The following PFDN2 variants were observed in gnomAD, a reference collection of about 807,000 sequenced individuals.
PFDN2 encodes prefoldin 2.
A neutral mutation model predicts 18.3 loss-of-function variants in PFDN2; 7 were observed. The observed-to-expected ratio is 0.38, with a 90% CI of 0.22 to 0.72. PFDN2 has a LOEUF of 0.72. PFDN2 is among the 30% of genes least tolerant of loss of function. The pLI, the probability that PFDN2 is intolerant of heterozygous loss-of-function variation, is 0.47. For synonymous variants in PFDN2, 76 were observed against 75.0 expected (o/e 1.01, Z -0.07); for missense variants, 181 against 199.1 (o/e 0.91, Z 0.55).
chr1:161,117,651 A>G (rs1210426519), intron 1 of PFDN2, among the ~76,000 whole-genome samples: 1 of 152,150 alleles, frequency 6.6e-6, no homozygotes, highest in African/African-American at 2.4e-5. Context: ...GGAGAGGCTG[A>G]GGAGAGATAG....
At chr1:161,110,444 A>C (rs1654780882) in intron 1 of PFDN2, among the ~76,000 whole-genome samples, 1 of 152,198 alleles carries the variant, frequency 6.6e-6, no homozygotes, top group African/African-American at 2.4e-5. Flanking sequence ...AATCTCTGTT[A>C]ATATATTATT....
At chr1:161,104,674 C>G (rs1341698608) in intron 1 of PFDN2, among the ~76,000 whole-genome samples, 1 of 152,136 alleles carries the variant, frequency 6.6e-6, no homozygotes, top group African/African-American at 2.4e-5. Flanking sequence ...AGTGCTCTGC[C>G]TGCCTCAGCC....
intron 1 of PFDN2, among the ~76,000 whole-genome samples, chr1:161,103,841 A>G (rs1364890436): frequency 6.6e-6 from 1 of 152,066 alleles, no homozygotes; most frequent in Non-Finnish European, 1.5e-5. Context: ...GGGGGGAAAA[A>G]ATGAAAAATA....
chr1:161,107,011 T>C (rs1408422683), intron 1 of PFDN2, among the ~76,000 whole-genome samples: 1 of 149,022 alleles, frequency 6.7e-6, no homozygotes, highest in Non-Finnish European at 1.5e-5. Flanking sequence ...GGTTTTGCCA[T>C]ATTGCCCAGG....
At chr1:161,103,419 G>A (rs12063241) in intron 1 of PFDN2, among the ~76,000 whole-genome samples, 2,819 of 151,372 alleles carry the variant, frequency 0.019, 37 homozygotes, top group Non-Finnish European at 0.021. Flanking sequence ...GCCAGGCGTG[G>A]TGGCTCACGC....
intron 1 of PFDN2, 41 bp downstream of exon 1, chr1:161,117,911 G>C (rs377377693): frequency 1.6e-5 from 24 of 1,543,066 alleles, no homozygotes; most frequent in Non-Finnish European, 2.0e-5. Flanking sequence ...TAGTATTCCA[G>C]ACCCAGGTGG....
chr1:161,108,163 A>C (rs1254643208), intron 1 of PFDN2, among the ~76,000 whole-genome samples: 2 of 150,376 alleles, frequency 1.3e-5, no homozygotes, highest in East Asian at 3.9e-4. Context: ...AAAAAAAAAA[A>C]AAAACAAGGC....
chr1:161,111,209 C>T (rs941297117), intron 1 of PFDN2, among the ~76,000 whole-genome samples: 1 of 152,130 alleles, frequency 6.6e-6, no homozygotes, highest in Non-Finnish European at 1.5e-5. Flanking sequence ...CCTCCTGCCT[C>T]AGCCTCCCCA....
At chr1:161,104,361 C>G (rs755657279) in intron 1 of PFDN2, among the ~76,000 whole-genome samples, 5 of 152,064 alleles carry the variant, frequency 3.3e-5, no homozygotes, top group Non-Finnish European at 5.9e-5. Flanking sequence ...CATCTCCAGT[C>G]ACACAGCCAG....
chr1:161,115,920 G>A (rs1409600370), intron 1 of PFDN2, among the ~76,000 whole-genome samples: 1 of 152,088 alleles, frequency 6.6e-6, no homozygotes, highest in Non-Finnish European at 1.5e-5. Flanking sequence ...GCCCATGGTA[G>A]CCTTAAAAAT....
intron 1 of PFDN2, among the ~76,000 whole-genome samples, chr1:161,114,639 T>C (rs953572350): frequency 5.3e-5 from 8 of 152,240 alleles, no homozygotes; most frequent in East Asian, 1.9e-4. Flanking sequence ...TCTTGCCTAA[T>C]ACTCTAAATT....
intron 1 of PFDN2, among the ~76,000 whole-genome samples, chr1:161,103,416 G>T (rs1258877440): frequency 6.6e-6 from 1 of 150,924 alleles, no homozygotes; most frequent in Non-Finnish European, 1.5e-5. Flanking sequence ...AGGGCCAGGC[G>T]TGGTGGCTCA....
At chr1:161,112,316 C>T (rs1557965115) in intron 1 of PFDN2, among the ~76,000 whole-genome samples, 1 of 152,184 alleles carries the variant, frequency 6.6e-6, no homozygotes, top group Non-Finnish European at 1.5e-5. Context: ...ACCTAAATGT[C>T]CCATGGATAT....
At chr1:161,113,905 G>A (rs931013493) in intron 1 of PFDN2, among the ~76,000 whole-genome samples, 32 of 152,222 alleles carry the variant, frequency 2.1e-4, no homozygotes, top group Non-Finnish European at 4.3e-4. Context: ...TTTACCCAGT[G>A]TTCTCTCCAG....
intron 1 of PFDN2, among the ~76,000 whole-genome samples, chr1:161,109,004 T>A (rs1437410334): frequency 1.3e-5 from 2 of 152,284 alleles, no homozygotes; most frequent in East Asian, 3.9e-4. Flanking sequence ...ACCAAAAATA[T>A]AAATCTAACC....
chr1:161,109,039 C>G (rs988311893), intron 1 of PFDN2, among the ~76,000 whole-genome samples: 5 of 152,166 alleles, frequency 3.3e-5, no homozygotes, highest in African/African-American at 1.2e-4. Flanking sequence ...CTAAAACCTT[C>G]TCAATGCTCA....
rs149139733 is a variant in PFDN2, at chr1:161,101,153, C to T, written c.289-294G>A. On this transcript the variant is annotated intron_variant, in intron 3 of 3. Transcript: ENST00000368010. The stretch of plus-strand genomic sequence containing the variant: ...GTCCTCCTGCCTCGGTCTCCCAAAG[C>T]GCTAGGAATACAGGCATGAGCTTAT... Among the ~76,000 whole-genome samples, 909 of 151,770 alleles carry T rather than the reference C, an allele frequency of 6.0e-3. 13 individuals carry two copies. Among genetic ancestry groups the T allele is most frequent in the African/African-American group, 0.02 (838 of 41,344 alleles).
chr1:161,117,433 C>T (rs889437209), intron 1 of PFDN2, among the ~76,000 whole-genome samples: 2 of 152,172 alleles, frequency 1.3e-5, no homozygotes, highest in Non-Finnish European at 2.9e-5. Context: ...GGTTTCTGGT[C>T]TCTAAAGAAA....
chr1:161,108,922 A>G (rs1014222262), intron 1 of PFDN2, among the ~76,000 whole-genome samples: 7 of 152,158 alleles, frequency 4.6e-5, no homozygotes, highest in Non-Finnish European at 1.0e-4. Flanking sequence ...ACTACTTATT[A>G]TACCCTCCTG....
Sources: gnomAD v4.1 joint callset for allele counts (sites outside exome capture counted in the v4.1 genomes callset) on GRCh38, gnomAD v4.1.1 for gene constraint, MANE v1.5 for transcripts, NCBI Gene and HGNC (gene_info 2026-07-23, HGNC 2026-07-21) for gene names.